The following CCSER1 variants were observed in gnomAD, a reference collection of about 807,000 sequenced individuals.
The protein encoded by CCSER1 is coiled-coil serine rich protein 1, also known as serine-rich coiled-coil domain-containing protein 1.
Under a neutral mutation model 82.0 loss-of-function variants are expected in CCSER1, and 41 were observed. The observed-to-expected ratio is 0.50, with a 90% CI of 0.39 to 0.65. CCSER1 has a LOEUF of 0.65. CCSER1 is among the 30% of genes least tolerant of loss of function. The pLI is 0.00. For synonymous variants in CCSER1, 414 were observed against 383.9 expected (o/e 1.08, Z -0.92); for missense variants, 1,119 against 1,064.2 (o/e 1.05, Z -0.72).
intron 8 of CCSER1, among the ~76,000 whole-genome samples, chr4:90,849,308 A>G (rs190157700): frequency 6.6e-6 from 1 of 152,320 alleles, no homozygotes; most frequent in East Asian, 1.9e-4. Flanking sequence ...TGGGAAGTGA[A>G]GTAAAGATCA....
intron 3 of CCSER1, among the ~76,000 whole-genome samples, chr4:90,356,665 C>T (rs974614089): frequency 1.1e-4 from 16 of 151,832 alleles, no homozygotes; most frequent in African/African-American, 3.1e-4. Flanking sequence ...ACTTTAGCTA[C>T]GATCTTTATT....
At chr4:91,029,518 C>T (rs1740789286) in intron 9 of CCSER1, among the ~76,000 whole-genome samples, 1 of 151,940 alleles carries the variant, frequency 6.6e-6, no homozygotes, top group South Asian at 2.1e-4. Flanking sequence ...CTTATAACAA[C>T]CATGAAAGTT....
chr4:90,133,247 A>G (rs914031553), intron 1 of CCSER1, among the ~76,000 whole-genome samples: 5 of 152,200 alleles, frequency 3.3e-5, no homozygotes, highest in African/African-American at 1.2e-4. Context: ...CATCTTAACT[A>G]TGTTTTCTGA....
At chr4:91,556,051 G>GA (rs1232081757) in intron 10 of CCSER1, among the ~76,000 whole-genome samples, 1 of 151,258 alleles carries the variant, frequency 6.6e-6, no homozygotes, top group Non-Finnish European at 1.5e-5. Flanking sequence ...AAACTTAAAT[G>GA]AGTTAAGTAA....
intron 5 of CCSER1, among the ~76,000 whole-genome samples, chr4:90,498,877 A>C (rs1365039620): frequency 6.6e-6 from 1 of 152,154 alleles, no homozygotes; most frequent in Non-Finnish European, 1.5e-5. Flanking sequence ...TAACAATTTA[A>C]ATAGAGGCAG....
intron 3 of CCSER1, among the ~76,000 whole-genome samples, chr4:90,344,079 T>C (rs1741905489): frequency 6.6e-6 from 1 of 152,190 alleles, no homozygotes; most frequent in South Asian, 2.1e-4. Context: ...TTTTACTTTC[T>C]ATCTCCATGA....
intron 6 of CCSER1, among the ~76,000 whole-genome samples, chr4:90,691,692 T>C (rs13134152): frequency 5.8e-5 from 8 of 138,686 alleles, no homozygotes; most frequent in Non-Finnish European, 9.6e-5. Context: ...TGTATATATA[T>C]ACACACATAT....
intron 5 of CCSER1, among the ~76,000 whole-genome samples, chr4:90,564,603 C>G (rs1779154217): frequency 6.6e-6 from 1 of 151,784 alleles, no homozygotes; most frequent in Non-Finnish European, 1.5e-5. Flanking sequence ...ATTGCCCACT[C>G]TAATGTCTTG....
intron 4 of CCSER1, among the ~76,000 whole-genome samples, chr4:90,426,418 G>C (rs531637689): frequency 2.0e-5 from 3 of 152,258 alleles, no homozygotes; most frequent in Non-Finnish European, 2.9e-5. Flanking sequence ...CATTAGGTGG[G>C]ATAGGCCTTA....
intron 10 of CCSER1, among the ~76,000 whole-genome samples, chr4:91,140,223 G>A (rs906655931): frequency 6.6e-6 from 1 of 151,662 alleles, no homozygotes; most frequent in East Asian, 1.9e-4. Context: ...TGGTAATATA[G>A]TATAATGATG....
At chr4:90,721,420 CT>C (rs1742657488) in intron 6 of CCSER1, among the ~76,000 whole-genome samples, 1 of 151,698 alleles carries the variant, frequency 6.6e-6, no homozygotes, top group African/African-American at 2.4e-5. Flanking sequence ...ATATTTGCTG[CT>C]TTTAGAAAAT....
chr4:90,383,066 G>GT (rs1749465038), intron 3 of CCSER1, among the ~76,000 whole-genome samples: 1 of 152,084 alleles, frequency 6.6e-6, no homozygotes, highest in Non-Finnish European at 1.5e-5. Context: ...AATGATACAA[G>GT]TAAGAATAAT....
intron 5 of CCSER1, among the ~76,000 whole-genome samples, chr4:90,519,610 G>A (rs1039294772): frequency 4.0e-5 from 6 of 151,810 alleles, no homozygotes; most frequent in African/African-American, 4.8e-5. Flanking sequence ...CTAAAACAGA[G>A]GCTGATTTTA....
At chr4:91,351,195 A>G (rs1748446454) in intron 10 of CCSER1, among the ~76,000 whole-genome samples, 1 of 152,048 alleles carries the variant, frequency 6.6e-6, no homozygotes, top group African/African-American at 2.4e-5. Context: ...TACACATATT[A>G]CTTTATTATA....
chr4:91,527,624 A>G (rs1760830487), intron 10 of CCSER1, among the ~76,000 whole-genome samples: 1 of 152,210 alleles, frequency 6.6e-6, no homozygotes. Flanking sequence ...TAACAGTGAC[A>G]TAGGTTTCTA....
chr4:91,443,731 GTA>G (rs1014358270), intron 10 of CCSER1, among the ~76,000 whole-genome samples: 9 of 147,374 alleles, frequency 6.1e-5, no homozygotes, highest in Admixed American at 2.7e-4. Flanking sequence ...AAAACTATAT[GTA>G]TATATATATA....
chr4:91,222,083 C>T (rs1362363125), intron 10 of CCSER1, among the ~76,000 whole-genome samples: 1 of 151,306 alleles, frequency 6.6e-6, no homozygotes, highest in African/African-American at 2.4e-5. Flanking sequence ...GTGTTATCTC[C>T]ATCACATATA....
chr4:91,371,083 G>T (rs530645029), intron 10 of CCSER1, among the ~76,000 whole-genome samples: 1 of 152,018 alleles, frequency 6.6e-6, no homozygotes, highest in Non-Finnish European at 1.5e-5. Flanking sequence ...GGCTTATCTC[G>T]AACTCCTGAC....
intron 7 of CCSER1, among the ~76,000 whole-genome samples, chr4:90,796,424 A>AAC (rs1386895242): frequency 6.6e-6 from 1 of 150,810 alleles, no homozygotes; most frequent in African/African-American, 2.4e-5. Context: ...AATTTAAAAA[A>AAC]AAAAAAAAAA....
Sources: allele counts gnomAD v4.1 joint callset (sites outside exome capture counted in the v4.1 genomes callset), GRCh38; gene constraint gnomAD v4.1.1; transcripts MANE v1.5; gene names NCBI Gene and HGNC (gene_info 2026-07-23, HGNC 2026-07-21).